The following CHRM1 variants were observed in gnomAD, a reference collection of about 807,000 sequenced individuals.
The protein encoded by CHRM1 is muscarinic acetylcholine receptor M1.
Under a neutral mutation model 31.6 loss-of-function variants are expected in CHRM1, and 5 were observed. The observed-to-expected ratio is 0.16, with a 90% CI of 0.08 to 0.33. The LOEUF (loss-of-function observed/expected upper bound fraction) is 0.33, where lower values mean the gene tolerates loss of function less well. CHRM1 is among the 10% of genes least tolerant of loss of function. The pLI, the probability that CHRM1 is intolerant of heterozygous loss-of-function variation, is 1.00. For missense variants in CHRM1, 338 were observed against 610.3 expected, an observed-to-expected ratio of 0.55 and a Z score of 4.70; for synonymous variants, 227 against 249.7, an observed-to-expected ratio of 0.91 and a Z score of 0.86.
At chr11:62,919,095 C>T (rs1041518253) in intron 1 of CHRM1, among the ~76,000 whole-genome samples, 5 of 152,064 alleles carry the variant, frequency 3.3e-5, no homozygotes, top group African/African-American at 1.2e-4. Flanking sequence ...GGCGCTCCTT[C>T]TGGCCAGGTC....
Position 62,909,449 on chromosome 11 carries a change from C to T in CHRM1, c.*269G>A, listed in dbSNP as rs1047809931. 45 of 501,902 alleles carry T rather than the reference C, an allele frequency of 9.0e-5. No individual in the cohort carries two copies. In the East Asian group the frequency reaches 1.4e-3, roughly 16 times the overall value. 31.1% of individuals were successfully genotyped at this position (501,902 alleles called of 1,614,324 possible). ...CAAACAAGGAGTCCAAAGCCCGGAT[C>T]CTCCTCCCGGGCCTTCTTCCTGGTG... On this transcript the variant is annotated 3_prime_UTR_variant, in exon 2 of 2. Coordinates refer to ENST00000306960, the MANE Select transcript of CHRM1 (RefSeq NM_000738.3).
chr11:62,918,675 C>T (rs933705911), intron 1 of CHRM1, among the ~76,000 whole-genome samples: 3 of 152,180 alleles, frequency 2.0e-5, no homozygotes, highest in African/African-American at 4.8e-5. Flanking sequence ...AGAATGTTAG[C>T]CTGGGCTCAA....
intron 1 of CHRM1, among the ~76,000 whole-genome samples, chr11:62,915,288 C>T (rs969033749): frequency 1.2e-4 from 18 of 151,168 alleles, no homozygotes; most frequent in Non-Finnish European, 2.5e-4. Flanking sequence ...GTATGGGGTG[C>T]CCCAAAACTT....
At chr11:62,917,770 C>G (rs2085908375) in intron 1 of CHRM1, among the ~76,000 whole-genome samples, 1 of 152,146 alleles carries the variant, frequency 6.6e-6, no homozygotes, top group Admixed American at 6.5e-5. Flanking sequence ...ATCACTAATA[C>G]TCCTTACACA....
At chr11:62,911,428 C>T (rs1473446748) in intron 1 of CHRM1, among the ~76,000 whole-genome samples, 4 of 152,182 alleles carry the variant, frequency 2.6e-5, no homozygotes, top group Non-Finnish European at 5.9e-5. Context: ...TTTCAGACTC[C>T]AGGCCTCCAT....
upstream of CHRM1, chr11:62,921,646 G>A (rs2085934553): frequency 6.5e-6 from 1 of 152,898 alleles, no homozygotes; most frequent in African/African-American, 2.4e-5. Flanking sequence ...CCACTGCACA[G>A]ACCCGGCGGC....
intron 1 of CHRM1, among the ~76,000 whole-genome samples, chr11:62,918,989 T>C (rs1320513034): frequency 6.6e-6 from 1 of 150,920 alleles, no homozygotes; most frequent in Non-Finnish European, 1.5e-5. Flanking sequence ...GCTGGTAGAG[T>C]CCTGGTTAGG....
intron 1 of CHRM1, among the ~76,000 whole-genome samples, chr11:62,914,029 G>A (rs1470761238): frequency 2.0e-5 from 3 of 151,322 alleles, no homozygotes; most frequent in African/African-American, 7.3e-5. Flanking sequence ...TGCAACCTCC[G>A]CCTCCGGGTT....
chr11:62,915,212 C>G (rs1265019978), intron 1 of CHRM1, among the ~76,000 whole-genome samples: 1 of 148,288 alleles, frequency 6.7e-6, no homozygotes, highest in African/African-American at 2.5e-5. Flanking sequence ...AAGCTTGACT[C>G]CTTATACCTC....
intron 1 of CHRM1, among the ~76,000 whole-genome samples, chr11:62,920,496 C>A (rs959365399): frequency 6.6e-6 from 1 of 152,170 alleles, no homozygotes; most frequent in African/African-American, 2.4e-5. Context: ...GGATATAGGA[C>A]TGAGACCCAC....
rs1274274768 is a variant in CHRM1 at position 62,911,031 on chromosome 11, G to T, written c.70C>A (p.Gln24Lys). 6.2e-7 allele frequency: 1 copy of T among 1,614,196 alleles called. No homozygotes were observed. The highest frequency in any genetic ancestry group is 1.1e-5 in the South Asian group (1 of 91,086). ...GTGGTGATCCCAATGAAGGCCACTT[G>T]CCAGGGACCCTTTCCTGGTGCCAGG... ...TVLAPGKGPWQVAFIGITTGL... is the reference protein window; with the variant it reads ...TVLAPGKGPWKVAFIGITTGL... The change falls in exon 2 of 2, where the codon CAA becomes AAA. Residue 24 changes from glutamine to lysine, a missense_variant. Gln to Lys is a moderately conservative substitution (Grantham distance 53). Transcript: ENST00000306960.
intron 1 of CHRM1, among the ~76,000 whole-genome samples, chr11:62,911,728 G>T (rs1172445557): frequency 6.6e-6 from 1 of 152,224 alleles, no homozygotes; most frequent in Admixed American, 6.5e-5. Context: ...CATGGTGACA[G>T]AGATAGTAAG....
chr11:62,920,455 G>A (rs371880389), intron 1 of CHRM1, among the ~76,000 whole-genome samples: 1 of 152,164 alleles, frequency 6.6e-6, no homozygotes, highest in Non-Finnish European at 1.5e-5. Context: ...AGTACCTGGC[G>A]TGGGTGCCCA....
chr11:62,920,279 C>G (rs1329486609), intron 1 of CHRM1, among the ~76,000 whole-genome samples: 1 of 152,196 alleles, frequency 6.6e-6, no homozygotes, highest in Non-Finnish European at 1.5e-5. Flanking sequence ...GTGAACCCCT[C>G]TCCATTGGCT....
In CHRM1 at chr11:62,910,026, T is replaced by C; in HGVS notation, c.1075A>G (p.Lys359Glu). 1 of 1,613,876 alleles carries C rather than the reference T, an allele frequency of 6.2e-7. No homozygotes were observed. Among genetic ancestry groups the C allele is most frequent in the Non-Finnish European group, 8.5e-7 (1 of 1,180,002 alleles). The change falls in exon 2 of 2, where the codon AAG becomes GAG. Residue 359 changes from lysine (K) to glutamate (E), a missense_variant. Lys to Glu is a moderately conservative substitution (Grantham distance 56). Around this residue, in one of 4 missense-constraint regions of CHRM1, gnomAD observed 183 missense variants for 223.4 expected, o/e 0.82. Transcript: ENST00000306960. This position sits in a 1 kb window ranked among gnomAD's most constrained non-coding sequence, Gnocchi z 8.7. The stretch of plus-strand genomic sequence containing the variant: ...AGGGTCCGAGCCGCCTTCTTCTCCT[T>C]GACCAGCGAGAAGGTCTTCCGCTTG... ...LAKRKTFSLVKEKKAARTLSA... is the reference protein window; with the variant it reads ...LAKRKTFSLVEEKKAARTLSA...
chr11:62,915,412 C>A (rs541672288), intron 1 of CHRM1, among the ~76,000 whole-genome samples: 1 of 152,272 alleles, frequency 6.6e-6, no homozygotes, highest in East Asian at 1.9e-4. Context: ...ACTTGCACAG[C>A]CCTTTCTCAC....
chr11:62,912,259 T>C (rs2085875139), intron 1 of CHRM1, among the ~76,000 whole-genome samples: 1 of 151,458 alleles, frequency 6.6e-6, no homozygotes, highest in Non-Finnish European at 1.5e-5. Flanking sequence ...CCCCAGCTAC[T>C]TGGGAGACTG....
intron 1 of CHRM1, among the ~76,000 whole-genome samples, chr11:62,915,497 G>A (rs921487756): frequency 1.3e-5 from 2 of 152,148 alleles, no homozygotes; most frequent in Non-Finnish European, 2.9e-5. Context: ...CTGTGGGCTG[G>A]AATTTGCTAT....
intron 1 of CHRM1, among the ~76,000 whole-genome samples, chr11:62,919,073 T>A (rs1329284972): frequency 6.6e-6 from 1 of 151,952 alleles, no homozygotes; most frequent in African/African-American, 2.4e-5. Flanking sequence ...GCCTCACATA[T>A]GCAATGAGGA....
Sources: gnomAD v4.1 joint callset for allele counts (sites outside exome capture counted in the v4.1 genomes callset) on GRCh38, gnomAD v4.1.1 for gene constraint, gnomAD v4.1.1 regional missense constraint, Gnocchi (gnomAD v3.1) non-coding constraint, MANE v1.5 for transcripts, NCBI Gene and HGNC (gene_info 2026-07-23, HGNC 2026-07-21) for gene names.